NCKAP1L: variants seen among roughly 807,000 people sequenced by gnomAD.
NCKAP1L encodes NCK associated protein 1 like.
A neutral mutation model predicts 139.2 loss-of-function variants in NCKAP1L; 53 were observed. That is an observed-to-expected ratio of 0.38 (90% CI 0.31 to 0.48). The LOEUF is 0.48. NCKAP1L is among the 20% of genes least tolerant of loss of function. The pLI is 0.98. For missense variants in NCKAP1L, 1,151 were observed against 1,381.9 expected, an observed-to-expected ratio of 0.83 and a Z score of 2.65; for synonymous variants, 468 against 499.7, an observed-to-expected ratio of 0.94 and a Z score of 0.85.
chr12:54,506,593 A>AT (rs995048127), intron 3 of NCKAP1L, among the ~76,000 whole-genome samples: 185 of 143,372 alleles, frequency 1.3e-3, no homozygotes, highest in African/African-American at 3.7e-3. Context: ...CACCCAGCTA[A>AT]TTTTTTTTAT....
chr12:54,533,357 A>G (rs904467993), intron 26 of NCKAP1L, among the ~76,000 whole-genome samples: 12 of 152,318 alleles, frequency 7.9e-5, no homozygotes, highest in Admixed American at 4.6e-4. Context: ...TCAGAGGAGC[A>G]AGAAGATTAG....
At chr12:54,532,375 T>C in intron 26 of NCKAP1L, 125 bp downstream of exon 26, 1 of 554,302 alleles carries the variant, frequency 1.8e-6, no homozygotes, top group Non-Finnish European at 3.0e-6. Context: ...AGGGTTTGAA[T>C]AGGAAAACTG....
rs1172811238 is a variant in NCKAP1L at position 54,526,543 on chromosome 12, G to A, written c.2172G>A (p.Leu724=). Residue 724 remains leucine, a synonymous_variant, in exon 21 of 31, where the codon CTG becomes CTA. Coordinates refer to ENST00000293373, the MANE Select transcript of NCKAP1L (RefSeq NM_005337.5). The part of the protein sequence containing the change: ...EARLNRAIVW[L]AGYNATTQEI... ...AATCACCTAGAGCCATTGTGTGGCT[G>A]GCTGGCTACAATGCCACGACCCAGG... is the stretch of plus-strand genomic sequence containing the variant. The A allele has an allele frequency of 8.7e-6, 14 of 1,613,706 alleles. No homozygotes were observed. Among genetic ancestry groups the A allele is most frequent in the Non-Finnish European group, 9.3e-6 (11 of 1,179,876 alleles).
Position 54,509,832 on chromosome 12 carries a change from T to C in NCKAP1L, c.598-16T>C. 1.2e-6 allele frequency: 2 copies of C among 1,614,158 alleles called. No individual in the cohort carries two copies. The highest frequency in any genetic ancestry group is 2.2e-5 in the South Asian group (2 of 91,084). Reference sequence around the variant, plus strand: ...CTCATGATTGCCGCTAAGGTTTCATTTGCTTTTCCCCACAGGCTGTGAGTG... The same window carrying C: ...CTCATGATTGCCGCTAAGGTTTCATCTGCTTTTCCCCACAGGCTGTGAGTG... On this transcript the variant is annotated splice_polypyrimidine_tract_variant and intron_variant, in intron 6 of 30. Transcript: ENST00000293373.
At chr12:54,529,630 G>T (rs1179788101) in intron 22 of NCKAP1L, among the ~76,000 whole-genome samples, 1 of 152,126 alleles carries the variant, frequency 6.6e-6, no homozygotes, top group Non-Finnish European at 1.5e-5. Flanking sequence ...CCTGCTGCAG[G>T]TTTCAGATGT....
At position 54,547,044 on chromosome 12, in the gene NCKAP1L, G is replaced by A. The variant is rs538431980; in HGVS notation, c.*4359G>A. 2.6e-5 allele frequency: 4 copies of A among 152,304 alleles called. No individual in the cohort carries two copies. In the South Asian group the frequency reaches 6.2e-4, roughly 24 times the overall value. 9.4% of individuals were successfully genotyped at this position (152,304 alleles called of 1,614,324 possible). On this transcript the variant is annotated 3_prime_UTR_variant, in exon 31 of 31. Coordinates refer to ENST00000293373, the MANE Select transcript of NCKAP1L (RefSeq NM_005337.5). ...GAGGAGGCAGAGCCTCCTAGGGGTA[G>A]GGGGCAGTTTAGAAGCTGAAAAGGA...
chr12:54,544,264 A>C lies in NCKAP1L; in HGVS notation c.*1579A>C, dbSNP rs1160527353. 1 of 152,238 alleles carries C rather than the reference A, an allele frequency of 6.6e-6. No homozygotes were observed. 9.4% of individuals were successfully genotyped at this position (152,238 alleles called of 1,614,324 possible). On this transcript the variant is annotated 3_prime_UTR_variant, in exon 31 of 31. Transcript: ENST00000293373. ...AAAGTTGATGAGGAAGAGGAGGCTC[A>C]GAAGTATCTGAACAACTACTCTATA...
At chr12:54,508,136 A>C (rs925578056) in intron 4 of NCKAP1L, among the ~76,000 whole-genome samples, 1 of 152,246 alleles carries the variant, frequency 6.6e-6, no homozygotes, top group Non-Finnish European at 1.5e-5. Context: ...TTAAAAAATT[A>C]CATAAAAATC....
intron 29 of NCKAP1L, 72 bp downstream of exon 29, chr12:54,537,125 C>A: frequency 2.9e-6 from 3 of 1,035,768 alleles, no homozygotes; most frequent in Non-Finnish European, 4.5e-6. Flanking sequence ...AATCTGTAGA[C>A]AATTATCGTT....
At chr12:54,519,019 C>A in intron 15 of NCKAP1L, 47 bp downstream of exon 15, 1 of 1,570,150 alleles carries the variant, frequency 6.4e-7, no homozygotes, top group Non-Finnish European at 8.8e-7. Context: ...GATTCTTCCT[C>A]CCCCACAATC....
chr12:54,507,389 T>C (rs1956851350), intron 3 of NCKAP1L, among the ~76,000 whole-genome samples: 1 of 152,200 alleles, frequency 6.6e-6, no homozygotes, highest in East Asian at 1.9e-4. Context: ...TAGTGAATTG[T>C]CAGTAAATAG....
intron 9 of NCKAP1L, among the ~76,000 whole-genome samples, chr12:54,513,942 A>T (rs1366969161): frequency 2.0e-5 from 3 of 151,242 alleles, no homozygotes; most frequent in African/African-American, 7.3e-5. Context: ...ATCACCTCCC[A>T]GAATAGTTTG....
rs1957190746 is a variant in NCKAP1L, at chr12:54,545,587, C to G, written c.*2902C>G. The G allele has an allele frequency of 6.6e-6, 1 of 152,304 alleles. No homozygotes were observed. Among genetic ancestry groups the G allele is most frequent in the Admixed American group, 6.5e-5 (1 of 15,298 alleles). The allele number at this position is 152,304 out of a possible 1,614,324, so 9.4% of individuals were successfully genotyped here. ...ATCAGCATTTCAGGCAATTTGCTTCCTTTACCAGGAGGGTCTCTGTCCTCT... is the reference window on the plus strand; with the variant it reads ...ATCAGCATTTCAGGCAATTTGCTTCGTTTACCAGGAGGGTCTCTGTCCTCT... On this transcript the variant is annotated 3_prime_UTR_variant, in exon 31 of 31. Transcript: ENST00000293373.
Position 54,511,980 on chromosome 12 carries a change from C to T in NCKAP1L, c.816C>T (p.Asn272=). The change falls in exon 9 of 31, where the codon AAC becomes AAT. Residue 272 remains asparagine, a synonymous_variant. Transcript: ENST00000293373. Reference sequence around the variant, plus strand: ...TTCTTCTTTGTCATGGGTGCCTCAACTCCAATAGCCAGTGCCAGAAGCTGT... The same window carrying T: ...TTCTTCTTTGTCATGGGTGCCTCAATTCCAATAGCCAGTGCCAGAAGCTGT... ...IGFLLCHGCL[N]SNSQCQKLWK... is the part of the protein sequence containing the mutation. 6.2e-7 allele frequency: 1 copy of T among 1,614,198 alleles called. No individual in the cohort carries two copies. Among genetic ancestry groups the T allele is most frequent in the South Asian group, 1.1e-5 (1 of 91,082 alleles).
chr12:54,540,544 A>T (rs1323930539), intron 30 of NCKAP1L, among the ~76,000 whole-genome samples: 1 of 152,256 alleles, frequency 6.6e-6, no homozygotes, highest in Non-Finnish European at 1.5e-5. Context: ...CTCTCTATCC[A>T]TAAAAGTGGG....
At chr12:54,521,373 CT>C in intron 18 of NCKAP1L, 135 bp downstream of exon 18, 1 of 1,233,900 alleles carries the variant, frequency 8.1e-7, no homozygotes, top group South Asian at 1.5e-5. Flanking sequence ...CCTTTCTGTA[CT>C]TGAGTTTATG....
At position 54,545,364 on chromosome 12, in the gene NCKAP1L, A is replaced by G. The variant is rs901263670; in HGVS notation, c.*2679A>G. On this transcript the variant is annotated 3_prime_UTR_variant, in exon 31 of 31. Coordinates refer to ENST00000293373, the MANE Select transcript of NCKAP1L (RefSeq NM_005337.5). ...TCACATGTTTAGCAGTAGAACTAGA[A>G]CTGGGACCCAAGTCTGATGTTCAGT... is the stretch of plus-strand genomic sequence containing the variant. 2.0e-5 allele frequency: 3 copies of G among 152,248 alleles called. No individual in the cohort carries two copies. Among genetic ancestry groups the G allele is most frequent in the African/African-American group, 7.2e-5 (3 of 41,468 alleles). The allele number at this position is 152,248 out of a possible 1,614,324, so 9.4% of individuals were successfully genotyped here.
chr12:54,518,988 T>C lies in NCKAP1L; in HGVS notation c.1479+16T>C, dbSNP rs779384893. 4 of 1,608,362 alleles carry C rather than the reference T, an allele frequency of 2.5e-6. No individual in the cohort carries two copies. The highest frequency in any genetic ancestry group is 3.4e-6 in the Non-Finnish European group (4 of 1,174,920). The stretch of plus-strand genomic sequence containing the variant: ...CCGCCTACAGGTAATGATCTGTTCC[T>C]GTTAAAGATTCTCATCCTCAGATTC... On this transcript the variant is annotated intron_variant, in intron 15 of 30. Coordinates refer to ENST00000293373, the MANE Select transcript of NCKAP1L (RefSeq NM_005337.5).
chr12:54,512,706 T>C (rs561107132), intron 9 of NCKAP1L: 1 of 153,556 alleles, frequency 6.5e-6, no homozygotes, highest in African/African-American at 2.4e-5. Context: ...CCTCTCAGGA[T>C]CTAGAAAAAC....
Sources: allele counts gnomAD v4.1 joint callset (sites outside exome capture counted in the v4.1 genomes callset), GRCh38; gene constraint gnomAD v4.1.1; transcripts MANE v1.5; gene names NCBI Gene and HGNC (gene_info 2026-07-23, HGNC 2026-07-21).